CPED1: variants seen among roughly 807,000 people sequenced by gnomAD.
CPED1 encodes the protein cadherin-like and PC-esterase domain-containing protein 1.
A neutral mutation model predicts 128.2 loss-of-function variants in CPED1; 114 were observed. That is an observed-to-expected ratio of 0.89 (90% CI 0.76 to 1.04). CPED1 has a LOEUF of 1.04. Among genes scored for constraint, CPED1 ranks in the 50% least tolerant of loss-of-function variants. CPED1 has a pLI of 0.00. For missense variants in CPED1, 1,211 were observed against 1,207.1 expected (o/e 1.00, Z -0.05); for synonymous variants, 462 against 426.7 (o/e 1.08, Z -1.02).
chr7:121,046,933 A>T lies in CPED1; in HGVS notation c.480A>T (p.Lys160Asn), dbSNP rs1793214873. 1 of 1,612,898 alleles carries T rather than the reference A, an allele frequency of 6.2e-7. No individual in the cohort carries two copies. Among genetic ancestry groups the T allele is most frequent in the Non-Finnish European group, 8.5e-7 (1 of 1,179,234 alleles). Residue 160 changes from lysine (K) to asparagine (N), a missense_variant, in exon 4 of 23, where the codon AAA becomes AAT. By Grantham distance (94) the Lys-to-Asn change is moderately conservative. Transcript: ENST00000310396. ...TGCTCATTTGCCTGTCTTCTAAGAA[A>T]GCAGAAGGAACACCCTGTATATCCA... is the stretch of plus-strand genomic sequence containing the variant. ...WDLLICLSSK[K>N]AEGTPCISKE...
chr7:121,244,103 T>A (rs765168965), intron 17 of CPED1, 99 bp from the exon 18 acceptor site: 1 of 1,385,152 alleles, frequency 7.2e-7, no homozygotes, highest in Non-Finnish European at 1.0e-6. Context: ...ATGGTCTTAC[T>A]ATAATTTCTG....
At chr7:121,251,327 C>G (rs1312076356) in intron 18 of CPED1, among the ~76,000 whole-genome samples, 1 of 151,670 alleles carries the variant, frequency 6.6e-6, no homozygotes, top group African/African-American at 2.4e-5. Flanking sequence ...AAAACAATAA[C>G]AGCTATCTAT....
chr7:121,240,116 T>C (rs1174057169), intron 17 of CPED1, among the ~76,000 whole-genome samples: 1 of 151,970 alleles, frequency 6.6e-6, no homozygotes, highest in Non-Finnish European at 1.5e-5. Context: ...AAATATAGAG[T>C]AGTATGAACC....
At chr7:121,044,788 T>G (rs985037249) in intron 3 of CPED1, among the ~76,000 whole-genome samples, 3 of 152,034 alleles carry the variant, frequency 2.0e-5, no homozygotes, top group Admixed American at 6.6e-5. Flanking sequence ...CTTAAATATA[T>G]ATTTCTATCA....
At chr7:121,160,572 T>G (rs1033557231) in intron 16 of CPED1, among the ~76,000 whole-genome samples, 3 of 152,156 alleles carry the variant, frequency 2.0e-5, no homozygotes, top group African/African-American at 7.2e-5. Context: ...CCTGGCTGAA[T>G]ATCTGCTTAG....
At position 121,128,605 on chromosome 7, in the gene CPED1, T is replaced by C. The variant is rs74739720; in HGVS notation, c.1407+119T>C. 1.9e-3 allele frequency: 1,163 copies of C among 617,946 alleles called. 7 individuals are homozygous for C. Among genetic ancestry groups the C allele is most frequent in the African/African-American group, 0.018 (1,002 of 54,458 alleles). 38.3% of individuals were successfully genotyped at this position (617,946 alleles called of 1,614,324 possible). A position where few individuals can be genotyped will look rare whatever the true frequency, so the allele number is the denominator to read the frequency against. ...TATTTCTTTAAGAAATAGAAATCTT[T>C]ATAAGCTACTTTGCTCTTTCAGAGA... On this transcript the variant is annotated intron_variant, in intron 11 of 22. Transcript: ENST00000310396.
In CPED1 at chr7:121,297,260, T is replaced by C. The variant is rs1422112941; in HGVS notation, c.*1608T>C. On this transcript the variant is annotated 3_prime_UTR_variant, in exon 23 of 23. Transcript: ENST00000310396. ...GTTACCAATGTGTGCAGCCTCTCCA[T>C]CATGTTTTAACATACTGTATACTCT... 1 of 152,144 alleles carries C rather than the reference T, an allele frequency of 6.6e-6. No homozygotes were observed. Among genetic ancestry groups the C allele is most frequent in the Non-Finnish European group, 1.5e-5 (1 of 67,986 alleles). The allele number at this position is 152,144 out of a possible 1,614,324, so 9.4% of individuals were successfully genotyped here.
Position 121,103,890 on chromosome 7 carries a change from T to C in CPED1, c.918+3796T>C, listed in dbSNP as rs373697255. On this transcript the variant is annotated intron_variant, in intron 7 of 22. Transcript: ENST00000310396. ...CTCATTTATTTCCAATTAGGTCTTC[T>C]GCTGAGATACTTTATCTGTTAAAGC... Among the ~76,000 whole-genome samples the C allele has an allele frequency of 7.2e-4, 109 of 152,294 alleles. No individual in the cohort carries two copies. The Middle Eastern group carries it at 0.014, about 19-fold the overall frequency.
chr7:121,201,481 A>G (rs1337252118), intron 16 of CPED1, among the ~76,000 whole-genome samples: 3 of 151,256 alleles, frequency 2.0e-5, no homozygotes, highest in South Asian at 2.1e-4. Flanking sequence ...GGAGAGTGAG[A>G]GACAGAGAGA....
intron 17 of CPED1, among the ~76,000 whole-genome samples, chr7:121,237,921 T>C (rs1033164028): frequency 1.3e-5 from 2 of 152,196 alleles, no homozygotes; most frequent in African/African-American, 4.8e-5. Context: ...TTATGGTGTG[T>C]CAGGTGGTGT....
chr7:121,265,486 G>A (rs143065465), intron 18 of CPED1, among the ~76,000 whole-genome samples: 172 of 152,188 alleles, frequency 1.1e-3, no homozygotes, highest in Middle Eastern at 6.8e-3. Flanking sequence ...AAGAAACAAG[G>A]AACCAGTAAA....
intron 4 of CPED1, among the ~76,000 whole-genome samples, chr7:121,056,979 CT>C (rs1563008565): frequency 1.7e-5 from 1 of 58,832 alleles, no homozygotes; most frequent in Admixed American, 2.5e-4. Flanking sequence ...TCTATTTTTT[CT>C]TTTTTCTTTT....
At chr7:121,026,052 C>T (rs949149426) in intron 3 of CPED1, among the ~76,000 whole-genome samples, 36 of 152,134 alleles carry the variant, frequency 2.4e-4, no homozygotes, top group African/African-American at 7.0e-4. Context: ...CCCCCGTCCC[C>T]GTTAGGAGAT....
intron 16 of CPED1, among the ~76,000 whole-genome samples, chr7:121,230,222 CA>C (rs1427150704): frequency 6.6e-6 from 1 of 151,774 alleles, no homozygotes; most frequent in Non-Finnish European, 1.5e-5. Flanking sequence ...AAAAAGAAAT[CA>C]AGAAGAGAAA....
intron 22 of CPED1, among the ~76,000 whole-genome samples, chr7:121,282,538 C>T (rs918722421): frequency 1.3e-5 from 2 of 152,134 alleles, no homozygotes; most frequent in Admixed American, 6.6e-5. Flanking sequence ...TAGCTAATTC[C>T]TTTTTCTCCA....
chr7:121,111,751 C>T (rs1795116039), intron 7 of CPED1, among the ~76,000 whole-genome samples: 1 of 152,114 alleles, frequency 6.6e-6, no homozygotes, highest in Admixed American at 6.5e-5. Context: ...TCACCTTCTC[C>T]ATATGAGAGG....
At chr7:121,282,153 G>A (rs544817479) in intron 22 of CPED1, among the ~76,000 whole-genome samples, 2 of 152,190 alleles carry the variant, frequency 1.3e-5, no homozygotes, top group East Asian at 3.9e-4. Flanking sequence ...ATTTAGAGAA[G>A]CATTTGATGT....
chr7:121,027,323 T>A (rs1419876240), intron 3 of CPED1, among the ~76,000 whole-genome samples: 2 of 152,170 alleles, frequency 1.3e-5, no homozygotes, highest in African/African-American at 4.8e-5. Flanking sequence ...TCCCCTTTTG[T>A]ATTATAAACT....
intron 16 of CPED1, among the ~76,000 whole-genome samples, chr7:121,169,496 T>C (rs1360854369): frequency 2.0e-5 from 3 of 152,216 alleles, no homozygotes; most frequent in South Asian, 2.1e-4. Context: ...CATTAAGTTC[T>C]GATAATGATT....
Sources: gnomAD v4.1 joint callset for allele counts (sites outside exome capture counted in the v4.1 genomes callset) on GRCh38, gnomAD v4.1.1 for gene constraint, MANE v1.5 for transcripts, NCBI Gene and HGNC (gene_info 2026-07-23, HGNC 2026-07-21) for gene names.